CD163L1: variants seen among roughly 807,000 people sequenced by gnomAD.
The protein encoded by CD163L1 is CD163 molecule like 1.
CD163L1 carries 124 observed loss-of-function variants against 165.4 expected under a neutral mutation model. The ratio of observed to expected loss-of-function variants is 0.75; its 90% confidence interval spans 0.65 to 0.87. CD163L1 has a LOEUF of 0.87. Among genes scored for constraint, CD163L1 ranks in the 40% least tolerant of loss-of-function variants. The probability of loss-of-function intolerance (pLI) is 0.00; values close to 1 mark genes in which losing one functional copy is unlikely to be tolerated. For missense variants in CD163L1, 1,525 were observed against 1,799.9 expected (o/e 0.85, Z 2.76); for synonymous variants, 585 against 662.2 (o/e 0.88, Z 1.79).
At chr12:7,359,000 A>C (rs1016815153) in intron 18 of CD163L1, among the ~76,000 whole-genome samples, 1 of 152,154 alleles carries the variant, frequency 6.6e-6, no homozygotes. Flanking sequence ...TGAGGAAAAA[A>C]AAATCAGTGA....
the CD163L1 span, chr12:7,324,675 C>T: frequency 2.1e-6 from 3 of 1,454,980 alleles, no homozygotes; most frequent in Non-Finnish European, 2.9e-6. Context: ...AAAGGCTGAA[C>T]CAAGAGAGGT....
the CD163L1 span, among the ~76,000 whole-genome samples, chr12:7,327,384 T>G: frequency 6.6e-6 from 1 of 152,168 alleles, no homozygotes; most frequent in Non-Finnish European, 1.5e-5. Context: ...GGCAAAGAAT[T>G]GCCAAGTGCC....
chr12:7,324,591 G>A, the CD163L1 span: 9 of 1,613,714 alleles, frequency 5.6e-6, no homozygotes, highest in African/African-American at 2.7e-5. Flanking sequence ...GATCAAATCC[G>A]CGGAGAGGTA....
In CD163L1 at chr12:7,398,685, C is replaced by G. The variant is rs1947836006; in HGVS notation, c.1409-101G>C. ...TTCACGACTATAAGGCTTTGCCTAA[C>G]AGGTGATATATTAGGCACACTTTTG... is the stretch of plus-strand genomic sequence containing the variant. On this transcript the variant is annotated intron_variant, in intron 6 of 19. Coordinates refer to ENST00000313599, the MANE Select transcript of CD163L1 (RefSeq NM_174941.6). This position sits in a 1 kb window ranked among gnomAD's most constrained non-coding sequence, Gnocchi z 4.5. 1 of 974,070 alleles carries G rather than the reference C, an allele frequency of 1.0e-6. No individual in the cohort carries two copies. The highest frequency in any genetic ancestry group is 1.6e-5 in the African/African-American group (1 of 61,040). 60.3% of individuals were successfully genotyped at this position (974,070 alleles called of 1,614,324 possible). A position where few individuals can be genotyped will look rare whatever the true frequency, so the allele number is the denominator to read the frequency against.
At position 7,374,648 on chromosome 12, in the gene CD163L1, C is replaced by G. The variant is rs745681157; in HGVS notation, c.3203G>C (p.Ser1068Thr). The change falls in exon 13 of 20, where the codon AGC becomes ACC. Residue 1068 changes from serine to threonine, a missense_variant. By Grantham distance (58) the Ser-to-Thr change is moderately conservative. Coordinates refer to ENST00000313599, the MANE Select transcript of CD163L1 (RefSeq NM_174941.6). The surrounding 1 kb of genome is among the most constrained non-coding windows in gnomAD (Gnocchi z 5.4). ...CTTTTGACACACCACGTGGGCATCG[C>G]TCAGGTCCCAGCCGTCATCACAGAT... is the stretch of plus-strand genomic sequence containing the variant. ...GTICDDGWDL[S>T]DAHVVCQKLG... 3 of 1,614,212 alleles carry G rather than the reference C, an allele frequency of 1.9e-6. No individual in the cohort carries two copies. Among genetic ancestry groups the G allele is most frequent in the South Asian group, 1.1e-5 (1 of 91,090 alleles).
the CD163L1 span, among the ~76,000 whole-genome samples, chr12:7,337,776 A>G: frequency 1.3e-5 from 2 of 152,252 alleles, no homozygotes; most frequent in African/African-American, 2.4e-5. Flanking sequence ...TCAAGGATCT[A>G]GAACCAGAAA....
At chr12:7,321,771 T>C in the CD163L1 span, among the ~76,000 whole-genome samples, 2 of 152,208 alleles carry the variant, frequency 1.3e-5, no homozygotes, top group African/African-American at 4.8e-5. Flanking sequence ...GCCCTGCTAC[T>C]TACTAATCAC....
the CD163L1 span, chr12:7,327,140 G>C: frequency 1.3e-6 from 2 of 1,543,234 alleles, no homozygotes; most frequent in South Asian, 1.2e-5. Context: ...TACCAAACTA[G>C]GGTCTAAGCT....
At chr12:7,423,949 A>T (rs893442180) in intron 4 of CD163L1, among the ~76,000 whole-genome samples, 2 of 152,204 alleles carry the variant, frequency 1.3e-5, no homozygotes, top group African/African-American at 4.8e-5. Flanking sequence ...AAACAATAGA[A>T]AAAAAGGGAC....
the CD163L1 span, among the ~76,000 whole-genome samples, chr12:7,326,351 T>A: frequency 3.9e-5 from 6 of 152,180 alleles, no homozygotes; most frequent in African/African-American, 1.4e-4. Flanking sequence ...ACTACAGGTG[T>A]GCACAACTGC....
Position 7,432,734 on chromosome 12 carries a change from C to T in CD163L1, c.448G>A (p.Glu150Lys). 7.5e-6 allele frequency: 12 copies of T among 1,592,496 alleles called. No homozygotes were observed. The highest frequency in any genetic ancestry group is 1.0e-5 in the Non-Finnish European group (12 of 1,169,738). Residue 150 changes from glutamate (E) to lysine (K), a missense_variant and splice_region_variant, in exon 4 of 20, where the codon GAA becomes AAA. Coordinates refer to ENST00000313599, the MANE Select transcript of CD163L1 (RefSeq NM_174941.6). The surrounding 1 kb of genome is among the most constrained non-coding windows in gnomAD (Gnocchi z 4.2). ...ACTAGCCTCAAACCCAGATTGGCTTCACCTACGAGAAAGACAAGCAGACAT... is the reference window on the plus strand; with the variant it reads ...ACTAGCCTCAAACCCAGATTGGCTTTACCTACGAGAAAGACAAGCAGACAT... The part of the protein sequence containing the change: ...GEDVGVNCYG[E>K]ANLGLRLVDG...
rs1413348651 is a variant in CD163L1, at chr12:7,398,423, G to C, written c.1570C>G (p.His524Asp). The C allele has an allele frequency of 6.2e-7, 1 of 1,613,968 alleles. No homozygotes were observed. Among genetic ancestry groups the C allele is most frequent in the Non-Finnish European group, 8.5e-7 (1 of 1,180,006 alleles). Residue 524 changes from histidine (H) to aspartate (D), a missense_variant, in exon 7 of 20, where the codon CAT becomes GAT. Coordinates refer to ENST00000313599, the MANE Select transcript of CD163L1 (RefSeq NM_174941.6). The surrounding 1 kb of genome is among the most constrained non-coding windows in gnomAD (Gnocchi z 4.5). ...CKQLGCGKPL[H>D]VFGMTYFKEA... ...TTAAAATAGGTCATACCAAACACAT[G>C]CAAAGGCTTTCCACATCCCAATTGT... is the stretch of plus-strand genomic sequence containing the variant.
rs374456374 is a variant in CD163L1, at chr12:7,433,680, C to A, written c.139G>T (p.Glu47Ter). The stretch of plus-strand genomic sequence containing the variant: ...CCGTCTCCATTGACCAGCCTCAACT[C>A]CAAATCTGTTCCATCTGCAAGAAAG... ...LISSFNGTDL[E>*]LRLVNGDGPC... is the part of the protein sequence containing the mutation. Residue 47 changes from glutamate (E) to a stop codon, truncating the protein, a stop_gained, in exon 3 of 20, where the codon GAG (glutamate) becomes TAG (stop). Transcript: ENST00000313599. LOFTEE classifies it high-confidence loss of function. 1 of 1,609,970 alleles carries A rather than the reference C, an allele frequency of 6.2e-7. No individual in the cohort carries two copies. Among genetic ancestry groups the A allele is most frequent in the Non-Finnish European group, 8.5e-7 (1 of 1,177,546 alleles).
intron 18 of CD163L1, among the ~76,000 whole-genome samples, chr12:7,361,578 G>A (rs1247397813): frequency 6.6e-6 from 1 of 152,088 alleles, no homozygotes; most frequent in Non-Finnish European, 1.5e-5. Context: ...CTAGGGTGAA[G>A]ACAGCAAACT....
In CD163L1 at chr12:7,433,534, G is replaced by A. The variant is rs35193918; in HGVS notation, c.285C>T (p.Phe95=). The A allele has an allele frequency of 1.9e-3, 2,989 of 1,614,074 alleles. 49 individuals carry two copies. The African/African-American group carries it at 0.034, about 18-fold the overall frequency. ...CGGCTTGTCCAAAACGAAACATGGC[G>A]AAAGAAAATGGACATCCAAGCTGTT... ...VCKQLGCPFS[F]AMFRFGQAVT... The change falls in exon 3 of 20, where the codon TTC becomes TTT. Residue 95 remains phenylalanine, a synonymous_variant. Coordinates refer to ENST00000313599, the MANE Select transcript of CD163L1 (RefSeq NM_174941.6).
At position 7,432,539 on chromosome 12, in the gene CD163L1, G is replaced by T. The variant is rs770600005; in HGVS notation, c.643C>A (p.Arg215Ser). 9 of 1,614,122 alleles carry T rather than the reference G, an allele frequency of 5.6e-6. No individual in the cohort carries two copies. The highest frequency in any genetic ancestry group is 7.6e-6 in the Non-Finnish European group (9 of 1,180,016). ...SGVVNSPAVL[R>S]PIWLDDILCQ... ...AAAATGTCATCCAGCCAAATGGGGC[G>T]CAATACAGCAGGGCTATTAACAACT... Residue 215 changes from arginine to serine, a missense_variant, in exon 4 of 20, where the codon CGC (arginine) becomes AGC (serine). Coordinates refer to ENST00000313599, the MANE Select transcript of CD163L1 (RefSeq NM_174941.6). This position sits in a 1 kb window ranked among gnomAD's most constrained non-coding sequence, Gnocchi z 4.2.
At chr12:7,444,013 A>G (rs1948860668) in intron 1 of CD163L1, 84 bp downstream of exon 1, 1 of 1,318,340 alleles carries the variant, frequency 7.6e-7, no homozygotes, top group Non-Finnish European at 1.1e-6. Context: ...ACTACATAAT[A>G]TTTATATCTG....
chr12:7,328,319 C>T, the CD163L1 span: 167 of 1,594,006 alleles, frequency 1.0e-4, no homozygotes, highest in Non-Finnish European at 1.4e-4. Flanking sequence ...CAAAGACAAT[C>T]ACTGGGAAAA....
intron 4 of CD163L1, among the ~76,000 whole-genome samples, chr12:7,418,928 C>G (rs995338435): frequency 6.6e-6 from 1 of 152,034 alleles, no homozygotes; most frequent in African/African-American, 2.4e-5. Context: ...GATGGATTCA[C>G]AGCTGAAATC....
Sources: allele counts gnomAD v4.1 joint callset (sites outside exome capture counted in the v4.1 genomes callset), GRCh38; gene constraint gnomAD v4.1.1; non-coding constraint Gnocchi (gnomAD v3.1); transcripts MANE v1.5; gene names NCBI Gene and HGNC (gene_info 2026-07-23, HGNC 2026-07-21).